JAK1: variants seen among roughly 807,000 people sequenced by gnomAD.
The protein encoded by JAK1 is Janus kinase 1.
In JAK1, 16 loss-of-function variants were observed where a neutral mutation model predicts 136.6. The ratio of observed to expected loss-of-function variants is 0.12; its 90% CI spans 0.08 to 0.18. The LOEUF (loss-of-function observed/expected upper bound fraction) is 0.18. JAK1 is among the 10% of genes least tolerant of loss of function. The probability of loss-of-function intolerance (pLI) is 1.00; values close to 1 mark genes in which losing one functional copy is unlikely to be tolerated. For missense variants in JAK1, 859 were observed against 1,450.1 expected (o/e 0.59, Z 6.62); for synonymous variants, 492 against 519.5 (o/e 0.95, Z 0.72).
intron 1 of JAK1, among the ~76,000 whole-genome samples, chr1:64,955,165 C>T (rs970650302): frequency 1.7e-4 from 26 of 152,184 alleles, no homozygotes; most frequent in South Asian, 2.1e-4. Flanking sequence ...AATAAACAGC[C>T]GTGTGCCTAC....
Position 65,018,057 on chromosome 1 carries a change from C to T in JAK1, c.-78+26423G>A, listed in dbSNP as rs534748684. On this transcript the variant is annotated intron_variant, in intron 2 of 25. Transcript: ENST00000671954. Reference sequence around the variant, plus strand: ...AACTCCTGATCTCGGGTGATCCTCCCGCCTCAGCCTCCCAAAGTGCTGGGA... The same window carrying T: ...AACTCCTGATCTCGGGTGATCCTCCTGCCTCAGCCTCCCAAAGTGCTGGGA... Among the ~76,000 whole-genome samples, 9 of 151,940 alleles carry T rather than the reference C, an allele frequency of 5.9e-5. No homozygotes were observed. The South Asian group carries it at 8.3e-4, about 14-fold the overall frequency.
At chr1:64,995,658 T>C (rs1456091511) in intron 2 of JAK1, among the ~76,000 whole-genome samples, 3 of 152,200 alleles carry the variant, frequency 2.0e-5, no homozygotes, top group African/African-American at 7.2e-5. Flanking sequence ...AGTTGAGCCT[T>C]ATACAGATTA....
chr1:64,841,143 C>T (rs1654873347), intron 19 of JAK1, 102 bp downstream of exon 19: 1 of 865,206 alleles, frequency 1.2e-6, no homozygotes, highest in African/African-American at 1.7e-5. Flanking sequence ...GGACCTGGCC[C>T]CAGAATGAAA....
intron 15 of JAK1, among the ~76,000 whole-genome samples, chr1:64,845,163 C>T (rs1361040838): frequency 6.6e-6 from 1 of 152,166 alleles, no homozygotes; most frequent in Non-Finnish European, 1.5e-5. Flanking sequence ...GAACAGCTGA[C>T]CCATGGTGAG....
intron 2 of JAK1, among the ~76,000 whole-genome samples, chr1:65,026,216 C>A (rs1646976815): frequency 6.6e-6 from 1 of 152,126 alleles, no homozygotes; most frequent in Non-Finnish European, 1.5e-5. Flanking sequence ...CACAGAAAAT[C>A]TTTTGAACCA....
At chr1:65,037,552 A>G (rs1044306980) in intron 2 of JAK1, among the ~76,000 whole-genome samples, 4 of 152,238 alleles carry the variant, frequency 2.6e-5, no homozygotes, top group Non-Finnish European at 5.9e-5. Flanking sequence ...GTCAATAAGT[A>G]TAGATTTTCA....
At chr1:65,002,053 TC>T (rs1646763368) in intron 2 of JAK1, among the ~76,000 whole-genome samples, 1 of 151,964 alleles carries the variant, frequency 6.6e-6, no homozygotes, top group African/African-American at 2.4e-5. Context: ...TTCCAACTAC[TC>T]CTTACAATAG....
chr1:65,020,803 C>A (rs549984343), intron 2 of JAK1, among the ~76,000 whole-genome samples: 1 of 152,126 alleles, frequency 6.6e-6, no homozygotes, highest in Non-Finnish European at 1.5e-5. Context: ...GGACCATCTA[C>A]AAAGGTGTGG....
chr1:65,060,682 T>C (rs964991628), intron 1 of JAK1, among the ~76,000 whole-genome samples: 5 of 152,228 alleles, frequency 3.3e-5, no homozygotes, highest in African/African-American at 1.2e-4. Flanking sequence ...AATGGTTACT[T>C]AAATTAATAT....
chr1:64,835,910 G>C (rs1025686148), intron 23 of JAK1, among the ~76,000 whole-genome samples, 188 bp downstream of exon 23: 3 of 152,144 alleles, frequency 2.0e-5, no homozygotes, highest in Non-Finnish European at 4.4e-5. Flanking sequence ...CTCCGGGCTC[G>C]TTGTGAAAGC....
At chr1:64,898,689 T>C (rs960027226) in intron 1 of JAK1, among the ~76,000 whole-genome samples, 2 of 152,164 alleles carry the variant, frequency 1.3e-5, no homozygotes, top group Non-Finnish European at 2.9e-5. Flanking sequence ...TTAGCAAAAT[T>C]TGCATAAATA....
Position 65,054,285 on chromosome 1 carries a change from T to C in JAK1, c.-180-9703A>G, listed in dbSNP as rs550461950. On this transcript the variant is annotated intron_variant, in intron 1 of 25. Coordinates refer to the JAK1 transcript ENST00000671954. ...GCTCCTTTAATGAAGCTGCTAATAC[T>C]TGACTTGTAAGACTAACCAGGATAC... 1.1e-3 allele frequency among the ~76,000 whole-genome samples: 164 copies of C among 152,276 alleles called. 2 individuals are homozygous for C. The highest frequency in any genetic ancestry group is 1.9e-3 in the Non-Finnish European group (129 of 68,022).
intron 2 of JAK1, among the ~76,000 whole-genome samples, chr1:64,989,114 C>T (rs1646631067): frequency 6.8e-6 from 1 of 147,960 alleles, no homozygotes; most frequent in Non-Finnish European, 1.5e-5. Flanking sequence ...ATCATGAGGT[C>T]AGGAGTTCAA....
chr1:64,894,479 C>T (rs182841874), intron 1 of JAK1, among the ~76,000 whole-genome samples: 12 of 152,260 alleles, frequency 7.9e-5, no homozygotes, highest in South Asian at 4.1e-4. Flanking sequence ...CAAAACGAGG[C>T]GGGGCACAAT....
chr1:64,871,276 G>C (rs543459825), intron 5 of JAK1, among the ~76,000 whole-genome samples: 15 of 152,268 alleles, frequency 9.9e-5, no homozygotes, highest in Admixed American at 9.8e-4. Context: ...CTCTGACACA[G>C]ATATACTGAT....
At chr1:65,030,821 C>T (rs571496982) in intron 2 of JAK1, among the ~76,000 whole-genome samples, 7 of 152,250 alleles carry the variant, frequency 4.6e-5, no homozygotes, top group Admixed American at 1.3e-4. Context: ...TGTGAGCCAC[C>T]GCACCTGGCC....
At chr1:65,038,964 T>TGTG (rs1647103423) in intron 2 of JAK1, among the ~76,000 whole-genome samples, 1 of 100,122 alleles carries the variant, frequency 1.0e-5, no homozygotes, top group African/African-American at 4.0e-5. Context: ...GTGTGTGTGT[T>TGTG]TGTGTGTGTT....
At chr1:64,896,121 T>G (rs577222029) in intron 1 of JAK1, among the ~76,000 whole-genome samples, 15 of 152,372 alleles carry the variant, frequency 9.8e-5, no homozygotes, top group Non-Finnish European at 1.6e-4. Context: ...GGTGATCAGA[T>G]GCAGTTATTC....
intron 1 of JAK1, among the ~76,000 whole-genome samples, chr1:64,957,079 G>A (rs1458736130): frequency 6.6e-6 from 1 of 152,184 alleles, no homozygotes; most frequent in Admixed American, 6.5e-5. Flanking sequence ...CCTCAAGGAA[G>A]CAGTCTCATG....
Sources: allele counts gnomAD v4.1 joint callset (sites outside exome capture counted in the v4.1 genomes callset), GRCh38; gene constraint gnomAD v4.1.1; transcripts MANE v1.5; gene names NCBI Gene and HGNC (gene_info 2026-07-23, HGNC 2026-07-21).